FANCA: variants seen among roughly 807,000 people sequenced by gnomAD.
FANCA encodes the protein FA complementation group A.
A neutral mutation model predicts 194.3 loss-of-function variants in FANCA; 236 were observed. The observed-to-expected ratio is 1.21, with a 90% confidence interval of 1.09 to 1.35. The LOEUF (loss-of-function observed/expected upper bound fraction) is 1.35. Among genes scored for constraint, FANCA ranks in the 40% most tolerant of loss-of-function variants. The probability of loss-of-function intolerance (pLI) is 0.00; values close to 1 mark genes in which losing one functional copy is unlikely to be tolerated. For missense variants in FANCA, 2,628 were observed against 1,813.9 expected, an observed-to-expected ratio of 1.45 and a Z score of -8.15; for synonymous variants, 1,014 against 715.8, an observed-to-expected ratio of 1.42 and a Z score of -6.65.
chr16:89,789,598 C>A (rs2040003361), intron 14 of FANCA, among the ~76,000 whole-genome samples: 1 of 152,036 alleles, frequency 6.6e-6, no homozygotes, highest in East Asian at 1.9e-4. Flanking sequence ...TACCACCACA[C>A]CCAGCTAATT....
chr16:89,752,159 C>T lies in FANCA; in HGVS notation c.3045G>A (p.Glu1015=). The T allele has an allele frequency of 6.2e-7, 1 of 1,614,014 alleles. No homozygotes were observed. Among genetic ancestry groups the T allele is most frequent in the Non-Finnish European group, 8.5e-7 (1 of 1,179,920 alleles). ...DLVFGGRTGN[E]DIISRLQEMV... Reference sequence around the variant, plus strand: ...TCACCTGCAATCTGGAAATAATATCCTCATTTCCTGTGCGGCCACCAAAGA... The same window carrying T: ...TCACCTGCAATCTGGAAATAATATCTTCATTTCCTGTGCGGCCACCAAAGA... The change falls in exon 31 of 43, where the codon GAG becomes GAA. Residue 1015 remains glutamate, a synonymous_variant. Transcript: ENST00000389301.
At chr16:89,794,312 G>A (rs1226338188) in intron 11 of FANCA, among the ~76,000 whole-genome samples, 3 of 152,148 alleles carry the variant, frequency 2.0e-5, no homozygotes, top group Admixed American at 6.6e-5. Flanking sequence ...ACCACTTTGG[G>A]AGGCCGAAGT....
chr16:89,749,986 G>A, intron 31 of FANCA, 84 bp from the exon 32 acceptor site: 3 of 1,436,390 alleles, frequency 2.1e-6, no homozygotes, highest in Admixed American at 1.7e-5. Flanking sequence ...AGGGGTCAGG[G>A]AGAGGTCTCC....
At chr16:89,798,958 C>A in intron 10 of FANCA, 5 of 1,612,364 alleles carry the variant, frequency 3.1e-6, no homozygotes, top group Non-Finnish European at 4.2e-6. Flanking sequence ...CACCTTCCGA[C>A]CTCATCCTCA....
chr16:89,813,482 G>C (rs369513032), intron 3 of FANCA, among the ~76,000 whole-genome samples: 2 of 151,828 alleles, frequency 1.3e-5, no homozygotes, highest in East Asian at 1.9e-4. Context: ...GCCCAGGCTG[G>C]AGTGCAATGG....
At chr16:89,787,427 G>A (rs2039935201) in intron 14 of FANCA, among the ~76,000 whole-genome samples, 1 of 152,250 alleles carries the variant, frequency 6.6e-6, no homozygotes, top group South Asian at 2.1e-4. Flanking sequence ...GGAGGCTGTG[G>A]CAGGAGAATG....
At chr16:89,790,289 G>C (rs1402328291) in intron 14 of FANCA, among the ~76,000 whole-genome samples, 1 of 151,918 alleles carries the variant, frequency 6.6e-6, no homozygotes, top group Non-Finnish European at 1.5e-5. Context: ...AGCTACTCGG[G>C]AGGCGGAGGC....
chr16:89,791,811 C>T, intron 13 of FANCA, 116 bp downstream of exon 13: 1 of 1,345,480 alleles, frequency 7.4e-7, no homozygotes, highest in Admixed American at 1.7e-5. Flanking sequence ...ACTGCAGGTT[C>T]CGGGCAGGTA....
chr16:89,802,947 T>C (rs1225547811), intron 8 of FANCA, among the ~76,000 whole-genome samples: 1 of 152,132 alleles, frequency 6.6e-6, no homozygotes, highest in Non-Finnish European at 1.5e-5. Flanking sequence ...AACATACAGC[T>C]AGACAGAAGA....
chr16:89,771,646 C>T lies in FANCA; in HGVS notation c.2151+32G>A, dbSNP rs771298771. On this transcript the variant is annotated intron_variant, in intron 23 of 42. Coordinates refer to ENST00000389301, the MANE Select transcript of FANCA (RefSeq NM_000135.4). ...TCTGCCTAATGGAAAATGGTGAAGACCCCCTGCTTTGTTCTGAGCCCCTAC... is the reference window on the plus strand; with the variant it reads ...TCTGCCTAATGGAAAATGGTGAAGATCCCCTGCTTTGTTCTGAGCCCCTAC... The T allele has an allele frequency of 5.6e-6, 9 of 1,612,982 alleles. No individual in the cohort carries two copies. In the African/African-American group the frequency reaches 9.4e-5, roughly 17 times the overall value.
intron 10 of FANCA, chr16:89,798,370 G>T: frequency 9.6e-7 from 1 of 1,044,532 alleles, no homozygotes; most frequent in East Asian, 5.8e-5. Context: ...AAATCACACA[G>T]TGCTTTATTC....
intron 21 of FANCA, among the ~76,000 whole-genome samples, chr16:89,774,903 G>C (rs2039449441): frequency 6.6e-6 from 1 of 151,840 alleles, no homozygotes; most frequent in African/African-American, 2.4e-5. Flanking sequence ...AGACCAGCTT[G>C]TCCAACATGG....
At chr16:89,767,352 G>A (rs2039165094) in intron 26 of FANCA, 115 bp from the exon 27 acceptor site, 1 of 780,286 alleles carries the variant, frequency 1.3e-6, no homozygotes. Context: ...TGGATGGCCT[G>A]AGCATTGGTC....
intron 3 of FANCA, 142 bp from the exon 4 acceptor site, chr16:89,811,213 G>A: frequency 2.0e-6 from 2 of 978,622 alleles, no homozygotes; most frequent in South Asian, 1.4e-5. Context: ...GATGCAAAGG[G>A]AAAAACATGA....
rs56125166 is a variant in FANCA, at chr16:89,752,293, G to C, written c.2982-71C>G. 1,317 of 1,226,294 alleles carry C rather than the reference G, an allele frequency of 1.1e-3. 10 individuals carry two copies. The African/African-American group carries it at 0.018, about 17-fold the overall frequency. 76.0% of individuals were successfully genotyped at this position (1,226,294 alleles called of 1,614,324 possible). A position where few individuals can be genotyped will look rare whatever the true frequency, so the allele number is the denominator to read the frequency against. On this transcript the variant is annotated intron_variant, in intron 30 of 42. Coordinates refer to ENST00000389301, the MANE Select transcript of FANCA (RefSeq NM_000135.4). ...TGCTGAAGTTCCCAGTTCTCCTCCT[G>C]CCTCCGGAGCTGAGTGATGGCTGTG...
chr16:89,758,787 T>C, intron 29 of FANCA, 82 bp from the exon 30 acceptor site: 2 of 1,590,418 alleles, frequency 1.3e-6, no homozygotes, highest in Non-Finnish European at 1.7e-6. Flanking sequence ...AGGCCCATAG[T>C]AAGGGACACA....
intron 30 of FANCA, 58 bp downstream of exon 30, chr16:89,758,519 T>G: frequency 1.9e-6 from 3 of 1,596,806 alleles, no homozygotes; most frequent in Non-Finnish European, 2.6e-6. Flanking sequence ...CTCCCCTTTA[T>G]ATATATCCTA....
At chr16:89,804,877 CA>C (rs35038834) in intron 7 of FANCA, among the ~76,000 whole-genome samples, 2 of 149,048 alleles carry the variant, frequency 1.3e-5, no homozygotes, top group Admixed American at 6.7e-5. Context: ...ACTAAAAATA[CA>C]AAAAAAAAAT....
rs900858198 is a variant in FANCA, at chr16:89,740,788, G to A, written c.3828+16C>T. On this transcript the variant is annotated intron_variant, in intron 38 of 42. Coordinates refer to ENST00000389301, the MANE Select transcript of FANCA (RefSeq NM_000135.4). ...ACAGTGGGAGAGGACACCTTGGCTG[G>A]TAAGGTCTGACTTACATTTGAGGTC... 2.5e-6 allele frequency: 4 copies of A among 1,611,940 alleles called. No individual in the cohort carries two copies. Among genetic ancestry groups the A allele is most frequent in the Non-Finnish European group, 3.4e-6 (4 of 1,178,616 alleles).
Sources: gnomAD v4.1 joint callset for allele counts (sites outside exome capture counted in the v4.1 genomes callset) on GRCh38, gnomAD v4.1.1 for gene constraint, MANE v1.5 for transcripts, NCBI Gene and HGNC (gene_info 2026-07-23, HGNC 2026-07-21) for gene names.